The following ZEB2 variants were observed in gnomAD, a reference collection of about 807,000 sequenced individuals.
ZEB2 encodes zinc finger E-box binding homeobox 2, also known as zinc finger E-box-binding homeobox 2.
A neutral mutation model predicts 99.9 loss-of-function variants in ZEB2; 6 were observed. The observed-to-expected ratio is 0.06, with a 90% CI of 0.03 to 0.12. ZEB2 has a LOEUF of 0.12. Ranked by LOEUF, ZEB2 falls within the 10% of genes least tolerant of loss-of-function variation. ZEB2 has a pLI of 1.00. For missense variants in ZEB2, 969 were observed against 1,502.8 expected (o/e 0.64, Z 5.87); for synonymous variants, 517 against 542.5 (o/e 0.95, Z 0.65).
At chr2:144,490,875 A>G (rs951001456) in intron 2 of ZEB2, among the ~76,000 whole-genome samples, 7 of 152,242 alleles carry the variant, frequency 4.6e-5, no homozygotes, top group African/African-American at 1.7e-4. Flanking sequence ...ATGGGCAATG[A>G]CTAATTTTCC....
chr2:144,400,203 G>A lies in ZEB2; in HGVS notation c.984C>T (p.His328=). 6.2e-7 allele frequency: 1 copy of A among 1,613,844 alleles called. No homozygotes were observed. Among genetic ancestry groups the A allele is most frequent in the African/African-American group, 1.3e-5 (1 of 75,062 alleles). Residue 328 remains histidine (H), a synonymous_variant, in exon 8 of 10, where the codon CAC becomes CAT. Coordinates refer to ENST00000627532, the MANE Select transcript of ZEB2 (RefSeq NM_014795.4). ...AACCAATACATTTCTTGCTGCTGAT[G>A]TGCGAACTGTAGGAACCAGAATGGG... ...RFSHSGSYSS[H]ISSKKCIGLI... is the part of the protein sequence containing the mutation.
intron 2 of ZEB2, among the ~76,000 whole-genome samples, chr2:144,473,175 C>T (rs1001488690): frequency 6.6e-6 from 1 of 152,056 alleles, no homozygotes; most frequent in South Asian, 2.1e-4. Flanking sequence ...AAAGTAGCAA[C>T]GGTTGGTAAC....
chr2:144,493,849 G>A (rs1477733781), intron 2 of ZEB2, among the ~76,000 whole-genome samples: 1 of 152,028 alleles, frequency 6.6e-6, no homozygotes, highest in African/African-American at 2.4e-5. Flanking sequence ...AAATAGCTTG[G>A]TCTTTTTAGA....
intron 4 of ZEB2, among the ~76,000 whole-genome samples, chr2:144,414,598 C>T (rs1703511198): frequency 6.6e-6 from 1 of 152,178 alleles, no homozygotes; most frequent in South Asian, 2.1e-4. Context: ...AAATTTCTAG[C>T]CTGATTTCCT....
chr2:144,421,932 G>C (rs1703624222), intron 4 of ZEB2, among the ~76,000 whole-genome samples: 1 of 152,036 alleles, frequency 6.6e-6, no homozygotes, highest in Non-Finnish European at 1.5e-5. Context: ...TCTAAAGGCT[G>C]GTTCAAGATC....
intron 2 of ZEB2, among the ~76,000 whole-genome samples, chr2:144,441,984 T>C (rs1318164670): frequency 2.0e-5 from 3 of 152,160 alleles, no homozygotes; most frequent in African/African-American, 4.8e-5. Context: ...CAAACACTTA[T>C]CAGAAGCCCT....
At chr2:144,517,702 A>C (rs1560661888) in intron 1 of ZEB2, 5 of 702,100 alleles carry the variant, frequency 7.1e-6, no homozygotes, top group African/African-American at 5.2e-5. Flanking sequence ...GAGGGAATGC[A>C]CACGGCGGTA....
chr2:144,477,857 C>T (rs962136588), intron 2 of ZEB2, among the ~76,000 whole-genome samples: 1 of 152,106 alleles, frequency 6.6e-6, no homozygotes, highest in African/African-American at 2.4e-5. Flanking sequence ...GTGGGCATTT[C>T]CAATAATCTC....
chr2:144,517,675 A>G (rs1364591777), intron 1 of ZEB2: 2 of 701,110 alleles, frequency 2.9e-6, no homozygotes, highest in East Asian at 5.4e-5. Context: ...AAAATGAGTC[A>G]TAACTCCTGA....
intron 2 of ZEB2, among the ~76,000 whole-genome samples, chr2:144,447,666 C>T (rs908618542): frequency 6.6e-6 from 1 of 152,176 alleles, no homozygotes; most frequent in African/African-American, 2.4e-5. Flanking sequence ...GGCCATTTCC[C>T]CTTTGAAGCA....
At chr2:144,512,339 A>G in intron 2 of ZEB2, 1 of 1,287,252 alleles carries the variant, frequency 7.8e-7, no homozygotes. Flanking sequence ...AAGGAAAAGA[A>G]TCTCCCACAT....
At chr2:144,429,566 C>T in intron 3 of ZEB2, 2 of 755,734 alleles carry the variant, frequency 2.6e-6, no homozygotes, top group Non-Finnish European at 4.2e-6. Context: ...AAATATAATC[C>T]CTTCCTAAGA....
chr2:144,513,891 G>A (rs1054826711), intron 2 of ZEB2: 48 of 1,513,992 alleles, frequency 3.2e-5, no homozygotes, highest in Admixed American at 1.2e-4. Context: ...GTTACAAAGT[G>A]AGTCAGGCGA....
chr2:144,422,715 G>A (rs180852105), intron 4 of ZEB2, among the ~76,000 whole-genome samples: 3 of 152,222 alleles, frequency 2.0e-5, no homozygotes, highest in Admixed American at 6.5e-5. Context: ...CAGGAGAATC[G>A]CTTGAACCTG....
chr2:144,510,276 T>C (rs1705012905), intron 2 of ZEB2, among the ~76,000 whole-genome samples: 1 of 152,172 alleles, frequency 6.6e-6, no homozygotes, highest in South Asian at 2.1e-4. Flanking sequence ...TGAGGATTTA[T>C]CAGTGTGTTC....
intron 2 of ZEB2, chr2:144,497,761 G>A (rs1039298537): frequency 3.7e-5 from 6 of 160,958 alleles, no homozygotes; most frequent in African/African-American, 1.6e-4. Context: ...CAATCTTGAT[G>A]ACCCTGTAAG....
chr2:144,395,081 G>A (rs558488174), intron 9 of ZEB2, among the ~76,000 whole-genome samples: 1 of 142,734 alleles, frequency 7.0e-6, no homozygotes, highest in African/African-American at 2.6e-5. Context: ...CTGCAGCATC[G>A]ACCTCTTGGG....
chr2:144,481,402 C>T (rs182505116), intron 2 of ZEB2, among the ~76,000 whole-genome samples: 111 of 152,224 alleles, frequency 7.3e-4, no homozygotes, highest in African/African-American at 2.2e-3. Flanking sequence ...GACTTTTAAC[C>T]CCATTTTTAT....
intron 2 of ZEB2, among the ~76,000 whole-genome samples, chr2:144,447,264 T>C (rs1052044035): frequency 3.3e-5 from 5 of 152,182 alleles, no homozygotes; most frequent in South Asian, 4.1e-4. Context: ...TCCTCTGCTT[T>C]ATGCAGTGGT....
Sources: gnomAD v4.1 joint callset for allele counts (sites outside exome capture counted in the v4.1 genomes callset) on GRCh38, gnomAD v4.1.1 for gene constraint, MANE v1.5 for transcripts, NCBI Gene and HGNC (gene_info 2026-07-23, HGNC 2026-07-21) for gene names.